PLCXD3: variants seen among roughly 807,000 people sequenced by gnomAD.
PLCXD3 encodes phosphatidylinositol specific phospholipase C X domain containing 3.
A neutral mutation model predicts 25.5 loss-of-function variants in PLCXD3; 19 were observed. The observed-to-expected ratio is 0.75, with a 90% CI of 0.52 to 1.09. The LOEUF (loss-of-function observed/expected upper bound fraction) is 1.09. PLCXD3 is among the 50% of genes least tolerant of loss of function. The pLI is 0.00. For synonymous variants in PLCXD3, 174 were observed against 137.6 expected, an observed-to-expected ratio of 1.26 and a Z score of -1.85; for missense variants, 411 against 388.1, an observed-to-expected ratio of 1.06 and a Z score of -0.50.
At chr5:41,453,834 G>T (rs116522009) in intron 1 of PLCXD3, among the ~76,000 whole-genome samples, 23 of 151,948 alleles carry the variant, frequency 1.5e-4, no homozygotes, top group African/African-American at 5.5e-4. Context: ...CCAGTGATTT[G>T]CCCAGAGTCA....
At chr5:41,492,254 A>G (rs2150525997) in intron 1 of PLCXD3, among the ~76,000 whole-genome samples, 1 of 152,344 alleles carries the variant, frequency 6.6e-6, no homozygotes, top group East Asian at 1.9e-4. Flanking sequence ...AGAATGTTGA[A>G]TATTGGCCCC....
chr5:41,477,498 G>T (rs1748306345), intron 1 of PLCXD3, among the ~76,000 whole-genome samples: 1 of 151,900 alleles, frequency 6.6e-6, no homozygotes, highest in African/African-American at 2.4e-5. Context: ...TGTGACATTT[G>T]CCTGGGTTCC....
intron 2 of PLCXD3, among the ~76,000 whole-genome samples, chr5:41,336,243 G>A (rs1400639181): frequency 6.6e-6 from 1 of 152,106 alleles, no homozygotes; most frequent in Non-Finnish European, 1.5e-5. Flanking sequence ...AGGTGGTATG[G>A]CATAGAGGAT....
chr5:41,313,870 A>G lies in PLCXD3; in HGVS notation c.813-100T>C, dbSNP rs1029541794. The G allele has an allele frequency of 4.4e-5, 60 of 1,364,672 alleles. 1 individual carries two copies. In the East Asian group the frequency reaches 1.3e-3, roughly 30 times the overall value. The allele number at this position is 1,364,672 out of a possible 1,614,324, so 84.5% of individuals were successfully genotyped here. The stretch of plus-strand genomic sequence containing the variant: ...CCTTTAGTTTCTAGCTTATTAAAAT[A>G]AATGTTTCACGTATAGGTACAGGAA... On this transcript the variant is annotated intron_variant, in intron 2 of 2. Coordinates refer to ENST00000377801, the MANE Select transcript of PLCXD3 (RefSeq NM_001005473.3).
chr5:41,456,099 T>C (rs191103304), intron 1 of PLCXD3, among the ~76,000 whole-genome samples: 1 of 151,942 alleles, frequency 6.6e-6, no homozygotes, highest in Non-Finnish European at 1.5e-5. Flanking sequence ...TAAAGGGAAC[T>C]GGTAATGAGG....
At chr5:41,375,400 GT>G (rs1469502203) in intron 2 of PLCXD3, among the ~76,000 whole-genome samples, 2 of 152,048 alleles carry the variant, frequency 1.3e-5, no homozygotes, top group Non-Finnish European at 2.9e-5. Flanking sequence ...CCTCTCTGGG[GT>G]GTCTCTTCTT....
chr5:41,340,117 G>C (rs1454703323), intron 2 of PLCXD3, among the ~76,000 whole-genome samples: 1 of 150,658 alleles, frequency 6.6e-6, no homozygotes, highest in Non-Finnish European at 1.5e-5. Context: ...CCTTTGTATA[G>C]ATGCTGCTCT....
At chr5:41,465,266 G>A (rs1747986639) in intron 1 of PLCXD3, among the ~76,000 whole-genome samples, 1 of 146,932 alleles carries the variant, frequency 6.8e-6, no homozygotes, top group South Asian at 2.2e-4. Context: ...CTCAGCATTG[G>A]CTATGTAGCA....
At chr5:41,326,626 G>A (rs1022552052) in intron 2 of PLCXD3, among the ~76,000 whole-genome samples, 35 of 151,666 alleles carry the variant, frequency 2.3e-4, no homozygotes, top group African/African-American at 8.0e-4. Context: ...TACCCTTCTT[G>A]GCCAATTGCT....
intron 2 of PLCXD3, among the ~76,000 whole-genome samples, chr5:41,317,838 T>TA (rs1159527709): frequency 2.0e-5 from 3 of 151,442 alleles, no homozygotes; most frequent in Non-Finnish European, 4.4e-5. Flanking sequence ...GAAAAAATAA[T>TA]AAAAAACAAT....
chr5:41,332,269 A>T (rs932883074), intron 2 of PLCXD3, among the ~76,000 whole-genome samples: 2 of 152,310 alleles, frequency 1.3e-5, no homozygotes, highest in Admixed American at 6.5e-5. Flanking sequence ...CAACCCCATC[A>T]AAAAGTGGGC....
At chr5:41,380,458 C>G (rs1330599776) in intron 2 of PLCXD3, among the ~76,000 whole-genome samples, 1 of 152,098 alleles carries the variant, frequency 6.6e-6, no homozygotes, top group Non-Finnish European at 1.5e-5. Context: ...TCAATTATTA[C>G]ATAAAACACA....
chr5:41,454,007 A>G (rs1747696069), intron 1 of PLCXD3, among the ~76,000 whole-genome samples: 2 of 152,014 alleles, frequency 1.3e-5, no homozygotes, highest in South Asian at 2.1e-4. Flanking sequence ...TTTTTTTGGC[A>G]TGGATTTAGA....
chr5:41,403,408 T>TTGTTTGTTTG (rs1554047964), intron 1 of PLCXD3, among the ~76,000 whole-genome samples: 1 of 26,222 alleles, frequency 3.8e-5, no homozygotes, highest in Admixed American at 3.1e-4. Context: ...GTTGTTTTTT[T>TTGTTTGTTTG]TTTTTTTTAT....
intron 1 of PLCXD3, among the ~76,000 whole-genome samples, chr5:41,402,524 T>C (rs1229607587): frequency 1.3e-5 from 2 of 151,770 alleles, no homozygotes; most frequent in Non-Finnish European, 2.9e-5. Flanking sequence ...TGCTTTAAAA[T>C]AATTTTATTC....
intron 2 of PLCXD3, among the ~76,000 whole-genome samples, chr5:41,353,093 C>CTTT (rs869052057): frequency 3.7e-5 from 5 of 136,544 alleles, no homozygotes; most frequent in African/African-American, 5.4e-5. Flanking sequence ...GCACACTCAG[C>CTTT]TTTTTTTTTT....
At chr5:41,389,139 A>G (rs2150495253) in intron 1 of PLCXD3, among the ~76,000 whole-genome samples, 1 of 152,206 alleles carries the variant, frequency 6.6e-6, no homozygotes, top group East Asian at 1.9e-4. Context: ...GACTTGGATC[A>G]GAAAATACTG....
At chr5:41,334,452 T>C (rs567868632) in intron 2 of PLCXD3, among the ~76,000 whole-genome samples, 3 of 152,238 alleles carry the variant, frequency 2.0e-5, no homozygotes, top group Admixed American at 1.3e-4. Context: ...ACCAAAAATA[T>C]TGGGCACAGG....
chr5:41,348,592 C>T (rs1744366257), intron 2 of PLCXD3, among the ~76,000 whole-genome samples: 1 of 152,178 alleles, frequency 6.6e-6, no homozygotes, highest in East Asian at 1.9e-4. Context: ...AATCCCATCA[C>T]CATCATATAA....
Sources: allele counts gnomAD v4.1 joint callset (sites outside exome capture counted in the v4.1 genomes callset), GRCh38; gene constraint gnomAD v4.1.1; transcripts MANE v1.5; gene names NCBI Gene and HGNC (gene_info 2026-07-23, HGNC 2026-07-21).